Variants in STIM1 observed in about 807,000 individuals in gnomAD.
STIM1 encodes stromal interaction molecule 1.
Under a neutral mutation model 74.7 loss-of-function variants are expected in STIM1, and 25 were observed. The ratio of observed to expected loss-of-function variants is 0.33; its 90% CI spans 0.24 to 0.47. The LOEUF (loss-of-function observed/expected upper bound fraction) is 0.47. Among genes scored for constraint, STIM1 ranks in the 20% least tolerant of loss-of-function variants. The probability of loss-of-function intolerance (pLI) is 1.00; values close to 1 mark genes in which losing one functional copy is unlikely to be tolerated. For missense variants in STIM1, 728 were observed against 920.8 expected (o/e 0.79, Z 2.71); for synonymous variants, 328 against 348.8 (o/e 0.94, Z 0.66).
chr11:3,951,207 A>G (rs2093143538), intron 1 of STIM1, among the ~76,000 whole-genome samples: 1 of 152,186 alleles, frequency 6.6e-6, no homozygotes, highest in Non-Finnish European at 1.5e-5. Context: ...ACCCCAGCTG[A>G]GAAAGGCATC....
At chr11:4,049,011 G>A (rs147851385) in intron 3 of STIM1, among the ~76,000 whole-genome samples, 3 of 152,344 alleles carry the variant, frequency 2.0e-5, no homozygotes, top group Non-Finnish European at 2.9e-5. Flanking sequence ...TGGGATTACA[G>A]GCGTAAGCCA....
At chr11:3,913,294 C>T (rs1256965216) in intron 1 of STIM1, among the ~76,000 whole-genome samples, 3 of 151,678 alleles carry the variant, frequency 2.0e-5, no homozygotes, top group Admixed American at 6.6e-5. Flanking sequence ...CTCAAGTGAT[C>T]CTCCTACCTC....
At chr11:4,028,207 G>A (rs746051122) in intron 3 of STIM1, among the ~76,000 whole-genome samples, 4 of 151,948 alleles carry the variant, frequency 2.6e-5, no homozygotes, top group South Asian at 4.2e-4. Flanking sequence ...TCAGCCTCCC[G>A]AGTAGCTGGG....
At chr11:3,994,562 G>A (rs1010842437) in intron 2 of STIM1, among the ~76,000 whole-genome samples, 3 of 150,712 alleles carry the variant, frequency 2.0e-5, no homozygotes. Flanking sequence ...GGGTTCAAGC[G>A]ATTCTCATGT....
Position 4,074,614 on chromosome 11 carries a change from G to A in STIM1, c.904G>A (p.Glu302Lys). The stretch of plus-strand genomic sequence containing the variant: ...TAAGCAGGAAGCCCAGCGGCTGAAG[G>A]AGCTGCGGGAGGGTACTGAGAATGA... Reference protein sequence around the residue: ...LAKQEAQRLKELREGTENERS... With the variant: ...LAKQEAQRLKKLREGTENERS... Residue 302 changes from glutamate to lysine, a missense_variant, in exon 7 of 13, where the codon GAG (glutamate) becomes AAG (lysine). Coordinates refer to ENST00000526596, the MANE Select transcript of STIM1 (RefSeq NM_001382567.1). 3 of 1,609,050 alleles carry A rather than the reference G, an allele frequency of 1.9e-6. No individual in the cohort carries two copies. Among genetic ancestry groups the A allele is most frequent in the East Asian group, 2.2e-5 (1 of 44,694 alleles).
intron 2 of STIM1, among the ~76,000 whole-genome samples, chr11:4,000,474 A>G (rs1300978437): frequency 6.6e-6 from 1 of 152,008 alleles, no homozygotes; most frequent in Non-Finnish European, 1.5e-5. Context: ...CCAGGCAAAC[A>G]GGGTCTGGAG....
At position 4,024,946 on chromosome 11, in the gene STIM1, C is replaced by G. The variant is rs151128428; in HGVS notation, c.385+959C>G. Among the ~76,000 whole-genome samples the G allele has an allele frequency of 5.3e-5, 8 of 152,286 alleles. No homozygotes were observed. In the East Asian group the frequency reaches 1.3e-3, roughly 26 times the overall value. On this transcript the variant is annotated intron_variant, in intron 3 of 12. Coordinates refer to ENST00000526596, the MANE Select transcript of STIM1 (RefSeq NM_001382567.1). ...ATAACAATAAGACTAGAAGAAATCT[C>G]TCTTCCCAGGGTCTCTTAGGGCAGG...
chr11:3,902,767 A>C (rs2092382089), intron 1 of STIM1, among the ~76,000 whole-genome samples: 1 of 152,180 alleles, frequency 6.6e-6, no homozygotes, highest in Non-Finnish European at 1.5e-5. Flanking sequence ...TAGGCATGAC[A>C]CCACCTGTGA....
intron 1 of STIM1, among the ~76,000 whole-genome samples, chr11:3,920,216 C>T (rs558657230): frequency 5.9e-5 from 9 of 152,110 alleles, no homozygotes; most frequent in African/African-American, 2.2e-4. Flanking sequence ...CTGCCTCAGC[C>T]TCCTAAAGTG....
In STIM1 at chr11:4,091,892, G is replaced by C; in HGVS notation, c.*94G>C. ...TCCTTCAAGATAACTGGCCCCAAGA[G>C]TGGGGCATGGGAAGGGCTGGTCCAG... On this transcript the variant is annotated 3_prime_UTR_variant, in exon 13 of 13. Coordinates refer to ENST00000526596, the MANE Select transcript of STIM1 (RefSeq NM_001382567.1). The C allele has an allele frequency of 6.5e-7, 1 of 1,536,128 alleles. No individual in the cohort carries two copies. The highest frequency in any genetic ancestry group is 2.3e-5 in the East Asian group (1 of 43,382).
Position 3,933,934 on chromosome 11 carries a change from C to T in STIM1, c.140-33618C>T, listed in dbSNP as rs192313185. On this transcript the variant is annotated intron_variant, in intron 1 of 12. Transcript: ENST00000526596. The stretch of plus-strand genomic sequence containing the variant: ...GTGGAAAGAGCCTCCCTCAGCCTTT[C>T]TAAATTGCGTGGCTACTGAAGTTGG... 3.9e-3 allele frequency among the ~76,000 whole-genome samples: 598 copies of T among 152,290 alleles called. 1 individual carries two copies. The highest frequency in any genetic ancestry group is 5.8e-3 in the Non-Finnish European group (393 of 68,024).
At chr11:3,858,244 T>G (rs1303159623) in intron 1 of STIM1, among the ~76,000 whole-genome samples, 14 of 131,914 alleles carry the variant, frequency 1.1e-4, no homozygotes, top group Admixed American at 4.4e-4. Context: ...TTTTTTTTTT[T>G]TTGTTTTTTG....
intron 1 of STIM1, among the ~76,000 whole-genome samples, chr11:3,920,803 A>AT (rs543004050): frequency 2.0e-4 from 30 of 146,686 alleles, no homozygotes; most frequent in East Asian, 3.9e-4. Flanking sequence ...ATTTTTTTTA[A>AT]TTTTTTTTTT....
rs11558144 is a variant in STIM1 at position 4,074,572 on chromosome 11, G to A, written c.862G>A (p.Asp288Asn). 5 of 1,613,906 alleles carry A rather than the reference G, an allele frequency of 3.1e-6. No individual in the cohort carries two copies. Among genetic ancestry groups the A allele is most frequent in the Non-Finnish European group, 4.2e-6 (5 of 1,179,986 alleles). ...GGTCCATCTGGAAAAGAAGCTGCGC[G>A]ATGAGATCAACCTTGCTAAGCAGGA... ...EKVHLEKKLR[D>N]EINLAKQEAQ... The change falls in exon 7 of 13, where the codon GAT (aspartate) becomes AAT (asparagine). Residue 288 changes from aspartate to asparagine, a missense_variant. Physicochemically the swap from Asp to Asn is conservative, Grantham distance 23 (BLOSUM62 1). Coordinates refer to ENST00000526596, the MANE Select transcript of STIM1 (RefSeq NM_001382567.1).
At chr11:3,869,799 T>C (rs1323584436) in intron 1 of STIM1, among the ~76,000 whole-genome samples, 1 of 152,210 alleles carries the variant, frequency 6.6e-6, no homozygotes, top group Non-Finnish European at 1.5e-5. Context: ...AAGGTGAGAT[T>C]GGAGGCAATG....
At chr11:3,876,552 C>A (rs1050651794) in intron 1 of STIM1, among the ~76,000 whole-genome samples, 33 of 152,194 alleles carry the variant, frequency 2.2e-4, no homozygotes, top group African/African-American at 8.0e-4. Context: ...ACTACAGGCA[C>A]ATGCCACTAC....
At chr11:3,973,011 T>G (rs900981207) in intron 2 of STIM1, 1 of 494,638 alleles carries the variant, frequency 2.0e-6, no homozygotes, top group African/African-American at 2.0e-5. Context: ...CAAAGCTGCT[T>G]CTGCCTCCAT....
chr11:3,991,974 A>AAAAAAAAAAAAAAAAAAAAAG (rs2093617447), intron 2 of STIM1, among the ~76,000 whole-genome samples: 20 of 44,484 alleles, frequency 4.5e-4, no homozygotes, highest in Non-Finnish European at 5.5e-4. Flanking sequence ...AAAAAAAAAG[A>AAAAAAAAAAAAAAAAAAAAAG]AAAAAAAAAA....
At chr11:4,066,061 A>C (rs1469758761) in intron 5 of STIM1, among the ~76,000 whole-genome samples, 3 of 152,010 alleles carry the variant, frequency 2.0e-5, no homozygotes, top group African/African-American at 2.4e-5. Flanking sequence ...TTTTACAACC[A>C]CTTCCCTTGT....
Sources: allele counts gnomAD v4.1 joint callset (sites outside exome capture counted in the v4.1 genomes callset), GRCh38; gene constraint gnomAD v4.1.1; transcripts MANE v1.5; gene names NCBI Gene and HGNC (gene_info 2026-07-23, HGNC 2026-07-21).